LDLRAD4: variants seen among roughly 807,000 people sequenced by gnomAD.
LDLRAD4 encodes low density lipoprotein receptor class A domain containing 4.
LDLRAD4 carries 5 observed loss-of-function variants against 17.0 expected under a neutral mutation model. The observed-to-expected ratio is 0.29, with a 90% CI of 0.15 to 0.62. LDLRAD4 has a LOEUF of 0.62. Among genes scored for constraint, LDLRAD4 ranks in the 20% least tolerant of loss-of-function variants. The probability of loss-of-function intolerance (pLI) is 0.84; values close to 1 mark genes in which losing one functional copy is unlikely to be tolerated. For synonymous variants in LDLRAD4, 168 were observed against 171.8 expected, an observed-to-expected ratio of 0.98 and a Z score of 0.17; for missense variants, 340 against 424.7, an observed-to-expected ratio of 0.80 and a Z score of 1.75.
intron 1 of LDLRAD4, among the ~76,000 whole-genome samples, chr18:13,260,638 A>G (rs2043764121): frequency 6.6e-6 from 1 of 151,978 alleles, no homozygotes; most frequent in Non-Finnish European, 1.5e-5. Flanking sequence ...TTGCTTTATT[A>G]TTTATTGTTG....
chr18:13,467,103 C>T (rs975542779), intron 3 of LDLRAD4, among the ~76,000 whole-genome samples: 1 of 152,210 alleles, frequency 6.6e-6, no homozygotes, highest in Admixed American at 6.5e-5. Context: ...AGGATACCCA[C>T]TTTTACCAAT....
intron 1 of LDLRAD4, among the ~76,000 whole-genome samples, chr18:13,252,283 C>T (rs2043262147): frequency 6.6e-6 from 1 of 152,186 alleles, no homozygotes; most frequent in African/African-American, 2.4e-5. Flanking sequence ...CGCCCATCAC[C>T]ACACCCAGCT....
chr18:13,218,942 G>C (rs571241702), exon 1 of LDLRAD4: 4 of 152,322 alleles, frequency 2.6e-5, no homozygotes, highest in African/African-American at 9.7e-5. Flanking sequence ...GCTTCCTCGG[G>C]ACCCCTTCCC....
rs199948412 is a variant in LDLRAD4, at chr18:13,295,542, G to T, written c.-383+17354G>T. On this transcript the variant is annotated intron_variant, in intron 1 of 5. Coordinates refer to ENST00000359446, the Ensembl canonical transcript of LDLRAD4. ...ACATATCTTCCCTATCCAGTGGCTT[G>T]TACACAAAGTTAAATCTGTAGAAGA... 6.5e-3 allele frequency among the ~76,000 whole-genome samples: 994 copies of T among 152,280 alleles called. 13 individuals carry two copies. Among genetic ancestry groups the T allele is most frequent in the African/African-American group, 0.023 (944 of 41,568 alleles).
At chr18:13,234,275 C>T (rs1251011533) in intron 1 of LDLRAD4, among the ~76,000 whole-genome samples, 2 of 152,202 alleles carry the variant, frequency 1.3e-5, no homozygotes, top group Non-Finnish European at 2.9e-5. Context: ...CCTCGCCGCA[C>T]AGGCCTCTGT....
chr18:13,227,878 GATTACA>G (rs1230603444), intron 1 of LDLRAD4, among the ~76,000 whole-genome samples: 1 of 152,192 alleles, frequency 6.6e-6, no homozygotes, highest in Non-Finnish European at 1.5e-5. Flanking sequence ...TTACAATTTG[GATTACA>G]ATTCAAGGTG....
intron 1 of LDLRAD4, among the ~76,000 whole-genome samples, chr18:13,271,981 C>T (rs894144566): frequency 2.0e-5 from 3 of 150,604 alleles, no homozygotes; most frequent in Non-Finnish European, 3.0e-5. Flanking sequence ...CTTCAACCTC[C>T]GCCTCCCAAG....
chr18:13,556,615 A>G (rs1052912836), intron 3 of LDLRAD4, among the ~76,000 whole-genome samples: 1 of 152,194 alleles, frequency 6.6e-6, no homozygotes, highest in Non-Finnish European at 1.5e-5. Context: ...CAGAACAGGG[A>G]GTACTTAAGC....
intron 3 of LDLRAD4, among the ~76,000 whole-genome samples, chr18:13,458,765 C>T (rs1420839188): frequency 6.6e-6 from 1 of 152,236 alleles, no homozygotes; most frequent in Non-Finnish European, 1.5e-5. Flanking sequence ...CCCAGCTGTG[C>T]TCAGAACCAG....
rs188916193 is a variant in LDLRAD4 at position 13,586,777 on chromosome 18, A to T, written c.182-34340A>T. On this transcript the variant is annotated intron_variant, in intron 3 of 5. Coordinates refer to ENST00000359446, the Ensembl canonical transcript of LDLRAD4. ...GTGGCGCACACCTGTAATCCCACATATCAGGAGGCTGAGTTGGGAGAAACC... is the reference window on the plus strand; with the variant it reads ...GTGGCGCACACCTGTAATCCCACATTTCAGGAGGCTGAGTTGGGAGAAACC... Among the ~76,000 whole-genome samples the T allele has an allele frequency of 7.3e-5, 11 of 151,662 alleles. No homozygotes were observed. In the East Asian group the frequency reaches 2.1e-3, roughly 29 times the overall value.
intron 1 of LDLRAD4, among the ~76,000 whole-genome samples, chr18:13,260,683 C>T (rs2043767584): frequency 6.6e-6 from 1 of 152,238 alleles, no homozygotes; most frequent in South Asian, 2.1e-4. Flanking sequence ...TCCCTCCTTA[C>T]AGATGTCTGT....
chr18:13,612,545 ACC>A (rs11311417), intron 3 of LDLRAD4: 55,135 of 1,136,386 alleles, frequency 0.049, 1 homozygote, highest in Middle Eastern at 0.086. Context: ...ACAGAAACAC[ACC>A]CCCCCCCCCT....
chr18:13,470,672 G>T (rs1404737839), intron 3 of LDLRAD4: 3 of 151,036 alleles, frequency 2.0e-5, no homozygotes, highest in Non-Finnish European at 4.4e-5. Context: ...TGACCCTCTG[G>T]TCATGGCACT....
chr18:13,542,826 CTG>C (rs1208101822), intron 3 of LDLRAD4: 2 of 152,178 alleles, frequency 1.3e-5, no homozygotes, highest in African/African-American at 4.8e-5. Context: ...TGCTGGGTGT[CTG>C]TATTTACAAA....
chr18:13,328,959 T>C (rs944087562), intron 1 of LDLRAD4, among the ~76,000 whole-genome samples: 1 of 152,238 alleles, frequency 6.6e-6, no homozygotes, highest in Non-Finnish European at 1.5e-5. Flanking sequence ...TTGCTTTGTT[T>C]CACTTAAAGT....
intron 3 of LDLRAD4, chr18:13,520,650 C>G (rs2093939053): frequency 6.6e-6 from 1 of 152,164 alleles, no homozygotes; most frequent in Non-Finnish European, 1.5e-5. Flanking sequence ...CCCAGGAGTT[C>G]AAGACAAGCC....
intron 1 of LDLRAD4, among the ~76,000 whole-genome samples, chr18:13,335,240 T>C (rs2082050537): frequency 6.6e-6 from 1 of 152,248 alleles, no homozygotes; most frequent in Non-Finnish European, 1.5e-5. Context: ...GGGAAGCTTC[T>C]ACCATGAGCA....
intron 4 of LDLRAD4, among the ~76,000 whole-genome samples, chr18:13,623,842 G>A (rs2040874943): frequency 6.6e-6 from 1 of 152,140 alleles, no homozygotes. Flanking sequence ...ACGCAGCCAG[G>A]CTTCCTGCCT....
chr18:13,303,483 C>T (rs7243014), intron 1 of LDLRAD4, among the ~76,000 whole-genome samples: 1 of 152,048 alleles, frequency 6.6e-6, no homozygotes, highest in Non-Finnish European at 1.5e-5. Context: ...CCCTCCTTCT[C>T]TCCTTTTCTC....
Sources: allele counts gnomAD v4.1 joint callset (sites outside exome capture counted in the v4.1 genomes callset), GRCh38; gene constraint gnomAD v4.1.1; transcripts MANE v1.5; gene names NCBI Gene and HGNC (gene_info 2026-07-23, HGNC 2026-07-21).